Variants in IGF2BP1 observed in about 807,000 individuals in gnomAD.
The protein encoded by IGF2BP1 is insulin-like growth factor 2 mRNA-binding protein 1.
Under a neutral mutation model 74.9 loss-of-function variants are expected in IGF2BP1, and 11 were observed. That is an observed-to-expected ratio of 0.15 (90% CI 0.09 to 0.24). IGF2BP1 has a LOEUF of 0.24. Among genes scored for constraint, IGF2BP1 ranks in the 10% least tolerant of loss-of-function variants. IGF2BP1 has a pLI of 1.00. For missense variants in IGF2BP1, 440 were observed against 757.4 expected (o/e 0.58, Z 4.92); for synonymous variants, 287 against 281.8 (o/e 1.02, Z -0.18).
intron 2 of IGF2BP1, among the ~76,000 whole-genome samples, chr17:49,020,543 C>G (rs143238904): frequency 2.6e-5 from 4 of 152,286 alleles, no homozygotes; most frequent in African/African-American, 9.6e-5. Flanking sequence ...CTGTTTGAAT[C>G]CAGACTCTTC....
At position 49,051,222 on chromosome 17, in the gene IGF2BP1, A is replaced by G. The variant is rs933852431; in HGVS notation, c.*1778A>G. The G allele has an allele frequency of 1.3e-5, 2 of 152,638 alleles. No individual in the cohort carries two copies. Among genetic ancestry groups the G allele is most frequent in the African/African-American group, 4.8e-5 (2 of 41,440 alleles). 9.5% of individuals were successfully genotyped at this position (152,638 alleles called of 1,614,324 possible). A position where few individuals can be genotyped will look rare whatever the true frequency, so the allele number is the denominator to read the frequency against. On this transcript the variant is annotated 3_prime_UTR_variant, in exon 15 of 15. Coordinates refer to ENST00000290341, the MANE Select transcript of IGF2BP1 (RefSeq NM_006546.4). ...GAAAAGCAAAGCAAAAGAGAAGCTG[A>G]TAGTCTTGAATATTTTATTTTTTTA...
chr17:48,998,991 C>G, intron 1 of IGF2BP1, 118 bp from the exon 2 acceptor site: 1 of 670,072 alleles, frequency 1.5e-6, no homozygotes, highest in Non-Finnish European at 2.7e-6. Context: ...GCCTGGATTC[C>G]TAGGAAGATC....
chr17:49,024,459 A>C (rs909618122), intron 2 of IGF2BP1, among the ~76,000 whole-genome samples: 2 of 152,106 alleles, frequency 1.3e-5, no homozygotes, highest in African/African-American at 4.8e-5. Context: ...AGTACTGTAT[A>C]GTTACTGGGA....
chr17:49,023,804 A>G (rs993751586), intron 2 of IGF2BP1, among the ~76,000 whole-genome samples: 2 of 152,214 alleles, frequency 1.3e-5, no homozygotes, highest in African/African-American at 2.4e-5. Flanking sequence ...CAATTGGCCA[A>G]TGCATCAAGT....
chr17:49,001,457 GTTGTT>G (rs887684864), intron 2 of IGF2BP1, among the ~76,000 whole-genome samples: 7 of 152,008 alleles, frequency 4.6e-5, no homozygotes, highest in African/African-American at 9.7e-5. Flanking sequence ...AATGTTCCTG[GTTGTT>G]TTGTTTTGTT....
rs2241932 is a variant in IGF2BP1 at position 49,052,868 on chromosome 17, G to C, written c.*3424G>C. The C allele has an allele frequency of 0.05, 7,612 of 152,476 alleles. 250 individuals carry two copies. Among genetic ancestry groups the C allele is most frequent in the East Asian group, 0.11 (562 of 5,174 alleles). The allele number at this position is 152,476 out of a possible 1,614,324, so 9.4% of individuals were successfully genotyped here. On this transcript the variant is annotated 3_prime_UTR_variant, in exon 15 of 15. Transcript: ENST00000290341. ...TGCTACATATATATTTTTAAGAAAG[G>C]ACCATCTCTTTAGGATATATTTTTA...
intron 2 of IGF2BP1, among the ~76,000 whole-genome samples, chr17:49,024,932 C>A (rs2041833422): frequency 2.0e-5 from 3 of 152,152 alleles, no homozygotes; most frequent in African/African-American, 7.2e-5. Context: ...TGGCTCATGC[C>A]TGTAATCCCT....
intron 2 of IGF2BP1, chr17:49,014,961 C>A: frequency 1.0e-6 from 1 of 984,468 alleles, no homozygotes; most frequent in Non-Finnish European, 1.2e-6. Context: ...TTCAAGGTAC[C>A]TCTCATGACG....
At chr17:49,035,987 C>T (rs984117698) in intron 5 of IGF2BP1, among the ~76,000 whole-genome samples, 4 of 152,124 alleles carry the variant, frequency 2.6e-5, no homozygotes, top group Non-Finnish European at 5.9e-5. Context: ...GGTAATTTGA[C>T]ACGGCCAGCC....
chr17:49,028,821 T>C (rs906874467), intron 4 of IGF2BP1, among the ~76,000 whole-genome samples: 1 of 152,174 alleles, frequency 6.6e-6, no homozygotes, highest in African/African-American at 2.4e-5. Context: ...TTATTATTAT[T>C]ATTTGAGATG....
intron 2 of IGF2BP1, among the ~76,000 whole-genome samples, chr17:49,019,995 TACAC>T (rs1172777163): frequency 2.1e-5 from 1 of 47,914 alleles, no homozygotes. Flanking sequence ...CACATATATA[TACAC>T]ACACACACAC....
Position 49,038,237 on chromosome 17 carries a change from G to T in IGF2BP1, c.471G>T (p.Glu157Asp), listed in dbSNP as rs1485652843. 6.3e-7 allele frequency: 1 copy of T among 1,583,856 alleles called. No individual in the cohort carries two copies. Among genetic ancestry groups the T allele is most frequent in the Non-Finnish European group, 8.6e-7 (1 of 1,163,698 alleles). ...TGAAGGTCTCCTACATCCCCGATGA[G>T]CAGATAGCACAGGGACCTGAGAATG... Reference protein sequence around the residue: ...HALKVSYIPDEQIAQGPENGR... With the variant: ...HALKVSYIPDDQIAQGPENGR... The change falls in exon 6 of 15, where the codon GAG (glutamate) becomes GAT (aspartate). Residue 157 changes from glutamate to aspartate, a missense_variant. Physicochemically the swap from Glu to Asp is conservative, Grantham distance 45. Transcript: ENST00000290341.
At chr17:49,038,124 T>C in intron 5 of IGF2BP1, 44 bp from the exon 6 acceptor site, 2 of 1,418,284 alleles carry the variant, frequency 1.4e-6, no homozygotes, top group Non-Finnish European at 1.9e-6. Context: ...CTGGTATGAT[T>C]GGCATGGATT....
At chr17:49,035,612 C>T (rs2041977434) in intron 5 of IGF2BP1, among the ~76,000 whole-genome samples, 1 of 152,174 alleles carries the variant, frequency 6.6e-6, no homozygotes, top group African/African-American at 2.4e-5. Flanking sequence ...ATGGCGCCTC[C>T]CTGCGGGCGT....
chr17:49,033,847 T>A (rs1435011196), intron 5 of IGF2BP1, among the ~76,000 whole-genome samples: 2 of 151,924 alleles, frequency 1.3e-5, no homozygotes, highest in Non-Finnish European at 2.9e-5. Context: ...TTTGAGACAC[T>A]CTCTCCCTGT....
chr17:49,019,838 G>A (rs2144018371), intron 2 of IGF2BP1, among the ~76,000 whole-genome samples: 1 of 129,000 alleles, frequency 7.8e-6, no homozygotes, highest in South Asian at 2.6e-4. Context: ...CTGCTTCCCG[G>A]ACCCAGGTGA....
At chr17:49,033,677 G>C (rs2041949953) in intron 5 of IGF2BP1, among the ~76,000 whole-genome samples, 1 of 151,968 alleles carries the variant, frequency 6.6e-6, no homozygotes. Context: ...GTCAGCCTTG[G>C]GAATGGATGA....
At chr17:49,011,143 A>T (rs1456533309) in intron 2 of IGF2BP1, among the ~76,000 whole-genome samples, 1 of 92,510 alleles carries the variant, frequency 1.1e-5, no homozygotes, top group African/African-American at 4.8e-5. Flanking sequence ...GTCTCAAAAA[A>T]AAAAAAAAAA....
intron 9 of IGF2BP1, 140 bp from the exon 10 acceptor site, chr17:49,043,288 A>G (rs1439405537): frequency 2.1e-6 from 2 of 952,540 alleles, no homozygotes; most frequent in African/African-American, 1.6e-5. Context: ...AAAAGCACAG[A>G]ATAGGCTTTT....
Sources: gnomAD v4.1 joint callset for allele counts (sites outside exome capture counted in the v4.1 genomes callset) on GRCh38, gnomAD v4.1.1 for gene constraint, MANE v1.5 for transcripts, NCBI Gene and HGNC (gene_info 2026-07-23, HGNC 2026-07-21) for gene names.